Variants in POU5F2 observed in about 807,000 individuals in gnomAD.
POU5F2 encodes the protein POU domain class 5, transcription factor 2.
For synonymous variants in POU5F2, 191 were observed against 178.7 expected (o/e 1.07, Z -0.55); for missense variants, 401 against 426.6 (o/e 0.94, Z 0.53).
rs369187302 is a variant in POU5F2, at chr5:93,741,119, T to C, written c.445A>G (p.Ile149Val). 5 of 1,613,734 alleles carry C rather than the reference T, an allele frequency of 3.1e-6. No homozygotes were observed. Among genetic ancestry groups the C allele is most frequent in the Non-Finnish European group, 3.4e-6 (4 of 1,179,896 alleles). The change falls in exon 1 of 1, where the codon ATC becomes GTC. Residue 149 changes from isoleucine to valine, a missense_variant. Physicochemically the swap from Ile to Val is conservative, Grantham distance 29 (BLOSUM62 3). Transcript: ENST00000606183. ...SLGYSQADVG[I>V]AVGALFGKVL... is the part of the protein sequence containing the mutation. ...TTCCCAAACAGAGCTCCCACAGCGA[T>C]CCCCACATCGGCCTGCGAGTACCCT...
At position 93,734,837 on chromosome 5, in the gene POU5F2, G is replaced by A. The variant is rs985541147; in HGVS notation, c.*5740C>T. ...TTTTGCTTTTTTTTTTTGAGACAGA[G>A]TCTCACTTTGTTGCCCAGGCTGCGA... On this transcript the variant is annotated 3_prime_UTR_variant, in exon 1 of 1. Coordinates refer to ENST00000606183, the MANE Select transcript of POU5F2 (RefSeq NM_153216.2). 2.6e-5 allele frequency: 4 copies of A among 151,490 alleles called. No individual in the cohort carries two copies. Among genetic ancestry groups the A allele is most frequent in the African/African-American group, 9.7e-5 (4 of 41,214 alleles). The allele number at this position is 151,490 out of a possible 1,614,324, so 9.4% of individuals were successfully genotyped here.
chr5:93,740,677 A>C lies in POU5F2; in HGVS notation c.887T>G (p.Leu296Arg). The C allele has an allele frequency of 6.2e-7, 1 of 1,613,924 alleles. No homozygotes were observed. The highest frequency in any genetic ancestry group is 8.5e-7 in the Non-Finnish European group (1 of 1,179,852). Residue 296 changes from leucine to arginine, a missense_variant, in exon 1 of 1, where the codon CTG becomes CGG. Transcript: ENST00000606183. ...PGAPVCFHLG[L>R]GLPVDIPHYT... ...GTGGGGGATATCCACTGGGAGCCCC[A>C]GTCCCAGGTGAAAGCACACTGGTGC... is the stretch of plus-strand genomic sequence containing the variant.
At position 93,735,931 on chromosome 5, in the gene POU5F2, T is replaced by C. The variant is rs1355728563; in HGVS notation, c.*4646A>G. ...TGTTGTGGATTCACTGTAGTGAGTT[T>C]GGTCCAAGAACCAGAAGAAGCTTAA... On this transcript the variant is annotated 3_prime_UTR_variant, in exon 1 of 1. Transcript: ENST00000606183. 6.6e-6 allele frequency: 1 copy of C among 152,082 alleles called. No individual in the cohort carries two copies. The highest frequency in any genetic ancestry group is 1.9e-4 in the East Asian group (1 of 5,150). The allele number at this position is 152,082 out of a possible 1,614,324, so 9.4% of individuals were successfully genotyped here.
At position 93,737,229 on chromosome 5, in the gene POU5F2, T is replaced by G. The variant is rs950585873; in HGVS notation, c.*3348A>C. The G allele has an allele frequency of 5.3e-5, 8 of 152,004 alleles. No individual in the cohort carries two copies. The highest frequency in any genetic ancestry group is 1.9e-4 in the African/African-American group (8 of 41,386). 9.4% of individuals were successfully genotyped at this position (152,004 alleles called of 1,614,324 possible). A position where few individuals can be genotyped will look rare whatever the true frequency, so the allele number is the denominator to read the frequency against. Reference sequence around the variant, plus strand: ...AAGAATAAAATGCCCACAAATAACTTTAAGAAAGTGAAAGGCTTGTACACT... The same window carrying G: ...AAGAATAAAATGCCCACAAATAACTGTAAGAAAGTGAAAGGCTTGTACACT... On this transcript the variant is annotated 3_prime_UTR_variant, in exon 1 of 1. Coordinates refer to ENST00000606183, the MANE Select transcript of POU5F2 (RefSeq NM_153216.2).
In POU5F2 at chr5:93,740,605, G is replaced by C. The variant is rs751001497; in HGVS notation, c.959C>G (p.Ala320Gly). Residue 320 changes from alanine to glycine, a missense_variant, in exon 1 of 1, where the codon GCC becomes GGC. Physicochemically the swap from Ala to Gly is moderately conservative, Grantham distance 60 (BLOSUM62 0). Coordinates refer to ENST00000606183, the MANE Select transcript of POU5F2 (RefSeq NM_153216.2). ...AAATCTGAGGAGGCCCAGAGTGGTGGCTGGGGCAGAGGAGTGGGCTACCCC... is the reference window on the plus strand; with the variant it reads ...AAATCTGAGGAGGCCCAGAGTGGTGCCTGGGGCAGAGGAGTGGGCTACCCC... The part of the protein sequence containing the change: ...SAGVAHSSAP[A>G]TTLGLLRF The C allele has an allele frequency of 6.3e-7, 1 of 1,599,644 alleles. No homozygotes were observed. The highest frequency in any genetic ancestry group is 8.6e-7 in the Non-Finnish European group (1 of 1,167,964).
At position 93,741,488 on chromosome 5, in the gene POU5F2, G is replaced by T; in HGVS notation, c.76C>A (p.Pro26Thr). ...SGGGGPRGPM[P>T]LRVDTLTWLS... ...CAGGTCAGAGTGTCAACCCGCAGGG[G>T]CATCGGCCCTCTGGGGCCGCCCCCA... The change falls in exon 1 of 1, where the codon CCC becomes ACC. Residue 26 changes from proline (P) to threonine (T), a missense_variant. Physicochemically the swap from Pro to Thr is conservative, Grantham distance 38. Transcript: ENST00000606183. 1 of 1,613,032 alleles carries T rather than the reference G, an allele frequency of 6.2e-7. No individual in the cohort carries two copies.
rs1384553040 is a variant in POU5F2 at position 93,734,301 on chromosome 5, G to A, written c.*6276C>T. 1.3e-5 allele frequency: 2 copies of A among 152,142 alleles called. No individual in the cohort carries two copies. Among genetic ancestry groups the A allele is most frequent in the East Asian group, 1.9e-4 (1 of 5,194 alleles). 9.4% of individuals were successfully genotyped at this position (152,142 alleles called of 1,614,324 possible). On this transcript the variant is annotated 3_prime_UTR_variant, in exon 1 of 1. Coordinates refer to ENST00000606183, the MANE Select transcript of POU5F2 (RefSeq NM_153216.2). ...GGCCTTCATATGACACTGAGCTGGTGATATCTAGAAAATATAGATTCAAAG... is the reference window on the plus strand; with the variant it reads ...GGCCTTCATATGACACTGAGCTGGTAATATCTAGAAAATATAGATTCAAAG...
chr5:93,737,955 A>G lies in POU5F2; in HGVS notation c.*2622T>C, dbSNP rs1421228969. ...ACATGAAAAGCCTAAGCAACAAAAG[A>G]AAAAATGGATAAGCTGGACTTAATA... On this transcript the variant is annotated 3_prime_UTR_variant, in exon 1 of 1. Transcript: ENST00000606183. 2.2e-6 allele frequency: 1 copy of G among 445,402 alleles called. No individual in the cohort carries two copies. Among genetic ancestry groups the G allele is most frequent in the Non-Finnish European group, 4.5e-6 (1 of 223,986 alleles). 27.6% of individuals were successfully genotyped at this position (445,402 alleles called of 1,614,324 possible).
chr5:93,738,789 TA>T lies in POU5F2; in HGVS notation c.*1787del, dbSNP rs1420789805. 1.3e-5 allele frequency: 2 copies of T among 152,168 alleles called. No individual in the cohort carries two copies. The highest frequency in any genetic ancestry group is 6.5e-5 in the Admixed American group (1 of 15,280). 9.4% of individuals were successfully genotyped at this position (152,168 alleles called of 1,614,324 possible). A position where few individuals can be genotyped will look rare whatever the true frequency, so the allele number is the denominator to read the frequency against. Reference sequence around the variant, plus strand: ...CAGAAAGGTTACCAGGGGTAGGGGATAGGGGAATGGAGTTATTGCTTAATGA... The same window carrying T: ...CAGAAAGGTTACCAGGGGTAGGGGATGGGGAATGGAGTTATTGCTTAATGA... On this transcript the variant is annotated 3_prime_UTR_variant, in exon 1 of 1. Transcript: ENST00000606183.
rs1474521225 is a variant in POU5F2 at position 93,736,978 on chromosome 5, G to T, written c.*3599C>A. On this transcript the variant is annotated 3_prime_UTR_variant, in exon 1 of 1. Transcript: ENST00000606183. ...GAGCAAGTGAGTAAGAAAAAGAAAG[G>T]GTATCCAAATCGGAAAGGAAGAAGC... 1 of 151,994 alleles carries T rather than the reference G, an allele frequency of 6.6e-6. No homozygotes were observed. Among genetic ancestry groups the T allele is most frequent in the Non-Finnish European group, 1.5e-5 (1 of 67,978 alleles). The allele number at this position is 151,994 out of a possible 1,614,324, so 9.4% of individuals were successfully genotyped here. A position where few individuals can be genotyped will look rare whatever the true frequency, so the allele number is the denominator to read the frequency against.
rs535265639 is a variant in POU5F2, at chr5:93,741,042, G to A, written c.522C>T (p.Val174=). Reference sequence around the variant, plus strand: ...GTGGTCGCAGCTTCCACATGTTGGCGACGCTTAGCTGCTGGGCCTCGAAGC... The same window carrying A: ...GTGGTCGCAGCTTCCACATGTTGGCAACGCTTAGCTGCTGGGCCTCGAAGC... ...ICRFEAQQLS[V]ANMWKLRPLL... Residue 174 remains valine (V), a synonymous_variant, in exon 1 of 1, where the codon GTC becomes GTT. Transcript: ENST00000606183. 12 of 1,613,802 alleles carry A rather than the reference G, an allele frequency of 7.4e-6. No individual in the cohort carries two copies. The highest frequency in any genetic ancestry group is 2.2e-5 in the East Asian group (1 of 44,846).
the POU5F2 span, chr5:93,741,441 A>AG: frequency 6.2e-7 from 1 of 1,613,498 alleles, no homozygotes; most frequent in Non-Finnish European, 8.5e-7. Flanking sequence ...TCACCCTGCC[A>AG]GGGGCCGCCT....
rs1746952749 is a variant in POU5F2, at chr5:93,735,161, T to C, written c.*5416A>G. ...GTTTTCTCCCAACTCTAAGGGTAGT[T>C]ATTCTTCTGTTTAAGGGATCTTCTG... is the stretch of plus-strand genomic sequence containing the variant. On this transcript the variant is annotated 3_prime_UTR_variant, in exon 1 of 1. Coordinates refer to ENST00000606183, the MANE Select transcript of POU5F2 (RefSeq NM_153216.2). The C allele has an allele frequency of 6.6e-6, 1 of 152,248 alleles. No individual in the cohort carries two copies. Among genetic ancestry groups the C allele is most frequent in the Non-Finnish European group, 1.5e-5 (1 of 68,044 alleles). 9.4% of individuals were successfully genotyped at this position (152,248 alleles called of 1,614,324 possible).
Position 93,734,186 on chromosome 5 carries a change from A to C in POU5F2, c.*6391T>G, listed in dbSNP as rs1746724423. Reference sequence around the variant, plus strand: ...ATGATAAGATTTTAATTAAAGTGCCAAGGATTGATAAAAGTGTAAGAACAA... The same window carrying C: ...ATGATAAGATTTTAATTAAAGTGCCCAGGATTGATAAAAGTGTAAGAACAA... On this transcript the variant is annotated 3_prime_UTR_variant, in exon 1 of 1. Coordinates refer to ENST00000606183, the MANE Select transcript of POU5F2 (RefSeq NM_153216.2). 1 of 152,216 alleles carries C rather than the reference A, an allele frequency of 6.6e-6. No homozygotes were observed. Among genetic ancestry groups the C allele is most frequent in the African/African-American group, 2.4e-5 (1 of 41,462 alleles). 9.4% of individuals were successfully genotyped at this position (152,216 alleles called of 1,614,324 possible). A position where few individuals can be genotyped will look rare whatever the true frequency, so the allele number is the denominator to read the frequency against.
chr5:93,740,485 T>G lies in POU5F2; in HGVS notation c.*92A>C. On this transcript the variant is annotated 3_prime_UTR_variant, in exon 1 of 1. Transcript: ENST00000606183. The stretch of plus-strand genomic sequence containing the variant: ...TAGACAGTGAATGAGAAATTAATAC[T>G]AAAAGCCCTCAAATGAACCCTAGGG... The G allele has an allele frequency of 7.4e-6, 10 of 1,348,598 alleles. No individual in the cohort carries two copies. Among genetic ancestry groups the G allele is most frequent in the East Asian group, 2.3e-5 (1 of 42,986 alleles). The allele number at this position is 1,348,598 out of a possible 1,614,324, so 83.5% of individuals were successfully genotyped here.
At position 93,738,272 on chromosome 5, in the gene POU5F2, T is replaced by C. The variant is rs1747644187; in HGVS notation, c.*2305A>G. The C allele has an allele frequency of 6.5e-6, 1 of 152,708 alleles. No homozygotes were observed. Among genetic ancestry groups the C allele is most frequent in the African/African-American group, 2.4e-5 (1 of 41,458 alleles). The allele number at this position is 152,708 out of a possible 1,614,324, so 9.5% of individuals were successfully genotyped here. ...AGACACCACTTAACAGCTACCAAGA[T>C]GGCTATAATTTTTTAAAAAATAACA... On this transcript the variant is annotated 3_prime_UTR_variant, in exon 1 of 1. Transcript: ENST00000606183.
In POU5F2 at chr5:93,736,170, T is replaced by A. The variant is rs562555833; in HGVS notation, c.*4407A>T. On this transcript the variant is annotated 3_prime_UTR_variant, in exon 1 of 1. Transcript: ENST00000606183. ...TTCATTTACACTTGCTTTGTGGCCA[T>A]CATATTTCCAATGTGATTCTATATT... 1 of 152,252 alleles carries A rather than the reference T, an allele frequency of 6.6e-6. No homozygotes were observed. The highest frequency in any genetic ancestry group is 2.4e-5 in the African/African-American group (1 of 41,538). 9.4% of individuals were successfully genotyped at this position (152,252 alleles called of 1,614,324 possible). A position where few individuals can be genotyped will look rare whatever the true frequency, so the allele number is the denominator to read the frequency against.
At position 93,740,845 on chromosome 5, in the gene POU5F2, A is replaced by C. The variant is rs754470635; in HGVS notation, c.719T>G (p.Ile240Ser). 6.2e-7 allele frequency: 1 copy of C among 1,613,760 alleles called. No individual in the cohort carries two copies. Among genetic ancestry groups the C allele is most frequent in the South Asian group, 1.1e-5 (1 of 91,070 alleles). ...QRCPKPTPQQ[I>S]SHIAGCLQLQ... ...CTGGAGGCACCCAGCAATGTGGCTG[A>C]TTTGCTGGGGTGTGGGCTTAGGGCA... Residue 240 changes from isoleucine to serine, a missense_variant, in exon 1 of 1, where the codon ATC becomes AGC. By Grantham distance (142) the Ile-to-Ser change is moderately radical (BLOSUM62 -2). Coordinates refer to ENST00000606183, the MANE Select transcript of POU5F2 (RefSeq NM_153216.2).
rs1314874787 is a variant in POU5F2, at chr5:93,733,266, T to A, written c.*7311A>T. 1 of 151,422 alleles carries A rather than the reference T, an allele frequency of 6.6e-6. No individual in the cohort carries two copies. The highest frequency in any genetic ancestry group is 1.5e-5 in the Non-Finnish European group (1 of 67,954). 9.4% of individuals were successfully genotyped at this position (151,422 alleles called of 1,614,324 possible). ...GCCAGACTGGAGTCCAGGGGCATGA[T>A]CTTGGCTCACTGCAACCTCCGCCTC... On this transcript the variant is annotated 3_prime_UTR_variant, in exon 1 of 1. Coordinates refer to ENST00000606183, the MANE Select transcript of POU5F2 (RefSeq NM_153216.2).
Sources: allele counts gnomAD v4.1 joint callset, GRCh38; gene constraint gnomAD v4.1.1; transcripts MANE v1.5; gene names NCBI Gene and HGNC (gene_info 2026-07-23, HGNC 2026-07-21).